The following HSPA4 variants were observed in gnomAD, a reference collection of about 807,000 sequenced individuals.
HSPA4 encodes the protein heat shock 70 kDa protein 4.
HSPA4 carries 25 observed loss-of-function variants against 106.2 expected under a neutral mutation model. The ratio of observed to expected loss-of-function variants is 0.24; its 90% CI spans 0.17 to 0.33. The LOEUF is 0.33. Among genes scored for constraint, HSPA4 ranks in the 10% least tolerant of loss-of-function variants. HSPA4 has a pLI of 1.00. For synonymous variants in HSPA4, 332 were observed against 333.6 expected (o/e 1.00, Z 0.05); for missense variants, 841 against 996.0 (o/e 0.84, Z 2.10).
chr5:133,091,207 C>G lies in HSPA4; in HGVS notation c.1393C>G (p.Gln465Glu). The change falls in exon 12 of 19, where the codon CAG (glutamine) becomes GAG (glutamate). Residue 465 changes from glutamine to glutamate, a missense_variant. Around this residue, in one of 5 missense-constraint regions of HSPA4, gnomAD observed 162 missense variants for 177.7 expected, o/e 0.91. Transcript: ENST00000304858. ...PDPAIAQFSV[Q>E]KVTPQSDGSS... ...TATGTCCCTAGCTCAGTTTTCAGTTCAGAAAGTCACTCCTCAGTCTGATGG... is the reference window on the plus strand; with the variant it reads ...TATGTCCCTAGCTCAGTTTTCAGTTGAGAAAGTCACTCCTCAGTCTGATGG... 1.2e-6 allele frequency: 2 copies of G among 1,613,772 alleles called. No individual in the cohort carries two copies. Among genetic ancestry groups the G allele is most frequent in the Non-Finnish European group, 1.7e-6 (2 of 1,179,808 alleles).
At position 133,052,237 on chromosome 5, in the gene HSPA4, C is replaced by G. The variant is rs1318676279; in HGVS notation, c.-14C>G. The G allele has an allele frequency of 6.4e-7, 1 of 1,562,056 alleles. No individual in the cohort carries two copies. Among genetic ancestry groups the G allele is most frequent in the Non-Finnish European group, 8.7e-7 (1 of 1,154,566 alleles). ...GGCCGGACCCGGGCCCGAGCCCGAG[C>G]AGTAGCCGGCGCCATGTCGGTGGTG... On this transcript the variant is annotated 5_prime_UTR_variant, in exon 1 of 19. Coordinates refer to ENST00000304858, the MANE Select transcript of HSPA4 (RefSeq NM_002154.4).
intron 4 of HSPA4, 132 bp from the exon 5 acceptor site, chr5:133,073,098 T>G (rs1765405088): frequency 1.7e-6 from 1 of 588,192 alleles, no homozygotes; most frequent in African/African-American, 1.9e-5. Flanking sequence ...TTCTAACTTT[T>G]CCCTACTAGT....
chr5:133,096,309 C>G (rs1561586199), intron 14 of HSPA4, 59 bp downstream of exon 14: 1 of 1,484,208 alleles, frequency 6.7e-7, no homozygotes, highest in African/African-American at 1.4e-5. Flanking sequence ...CCATAGTATT[C>G]AGACTCTGTG....
At chr5:133,096,301 A>G (rs374238929) in intron 14 of HSPA4, 51 bp downstream of exon 14, 5 of 1,534,742 alleles carry the variant, frequency 3.3e-6, no homozygotes, top group Admixed American at 3.4e-5. Context: ...TAATGTTACC[A>G]TAGTATTCAG....
At position 133,106,102 on chromosome 5, in the gene HSPA4, A is replaced by ATTTTTTTTTTT. The variant is rs70974072; in HGVS notation, c.*1694_*1704dup. The ATTTTTTTTTTT allele has an allele frequency of 2.1e-4, 12 of 57,162 alleles. 2 individuals are homozygous for ATTTTTTTTTTT. Among genetic ancestry groups the ATTTTTTTTTTT allele is most frequent in the Non-Finnish European group, 3.1e-4 (10 of 32,404 alleles). 3.5% of individuals were successfully genotyped at this position (57,162 alleles called of 1,614,324 possible). Reference sequence around the variant, plus strand: ...GCCATTTCTTCTTAAAAAAAAAAAAATTTTTTTTTTTTTTTTTTTTTTTTT... The same window carrying ATTTTTTTTTTT: ...GCCATTTCTTCTTAAAAAAAAAAAAATTTTTTTTTTTTTTTTTTTTTTTTTTTTTTTTTTTT... On this transcript the variant is annotated 3_prime_UTR_variant, in exon 19 of 19. Transcript: ENST00000304858.
At chr5:133,091,115 C>A in intron 11 of HSPA4, 78 bp from the exon 12 acceptor site, 1 of 1,168,436 alleles carries the variant, frequency 8.6e-7, no homozygotes, top group African/African-American at 1.5e-5. Context: ...TAGACATAAT[C>A]TAGCAATGTA....
At chr5:133,072,723 C>T (rs1765400243) in intron 4 of HSPA4, among the ~76,000 whole-genome samples, 1 of 151,968 alleles carries the variant, frequency 6.6e-6, no homozygotes, top group Non-Finnish European at 1.5e-5. Context: ...TGGTTTTCAT[C>T]AGGGGTCTGT....
At position 133,057,550 on chromosome 5, in the gene HSPA4, A is replaced by G. The variant is rs77647917; in HGVS notation, c.107+5193A>G. Among the ~76,000 whole-genome samples, 1,356 of 152,278 alleles carry G rather than the reference A, an allele frequency of 8.9e-3. 24 individuals are homozygous for G. The highest frequency in any genetic ancestry group is 0.031 in the African/African-American group (1,304 of 41,552). ...TGCATACACTTATAAAAATGAAACTATACCTTTTAAAGGACCTATGCCAAT... is the reference window on the plus strand; with the variant it reads ...TGCATACACTTATAAAAATGAAACTGTACCTTTTAAAGGACCTATGCCAAT... On this transcript the variant is annotated intron_variant, in intron 1 of 18. Transcript: ENST00000304858.
chr5:133,090,083 A>G (rs748048048), intron 11 of HSPA4, among the ~76,000 whole-genome samples: 7 of 152,202 alleles, frequency 4.6e-5, no homozygotes, highest in African/African-American at 7.2e-5. Flanking sequence ...AGGTGGTGCT[A>G]TATACTATAA....
At position 133,052,311 on chromosome 5, in the gene HSPA4, G is replaced by T. The variant is rs1276323676; in HGVS notation, c.61G>T (p.Gly21Cys). ...CTGCTACGTCGCTGTGGCCCGCGCC[G>T]GCGGCATCGAGACTATCGCTAATGA... is the stretch of plus-strand genomic sequence containing the variant. Reference protein sequence around the residue: ...QSCYVAVARAGGIETIANEYS... With the variant: ...QSCYVAVARACGIETIANEYS... The change falls in exon 1 of 19, where the codon GGC becomes TGC. Residue 21 changes from glycine (G) to cysteine (C), a missense_variant. Transcript: ENST00000304858. The T allele has an allele frequency of 6.3e-7, 1 of 1,589,854 alleles. No individual in the cohort carries two copies.
At chr5:133,070,239 CTT>C (rs113739155) in intron 3 of HSPA4, 133 bp from the exon 4 acceptor site, 2,325 of 670,726 alleles carry the variant, frequency 3.5e-3, no homozygotes, top group East Asian at 4.6e-3. Flanking sequence ...CGAAAACTAG[CTT>C]TTTTTTTTTT....
rs1480487790 is a variant in HSPA4, at chr5:133,104,040, T to A, written c.2319+14T>A. 1 of 1,597,162 alleles carries A rather than the reference T, an allele frequency of 6.3e-7. No individual in the cohort carries two copies. The highest frequency in any genetic ancestry group is 1.1e-5 in the South Asian group (1 of 89,660). ...GCTAAAATTAAGGTAATTTAAGACT[T>A]TTTTTTAATAGTCTTTTCTTGACAG... is the stretch of plus-strand genomic sequence containing the variant. On this transcript the variant is annotated intron_variant, in intron 18 of 18. Transcript: ENST00000304858.
chr5:133,092,927 T>G (rs1765666854), intron 13 of HSPA4, 138 bp downstream of exon 13: 1 of 567,740 alleles, frequency 1.8e-6, no homozygotes, highest in Admixed American at 3.4e-5. Flanking sequence ...TTCAAGTGAT[T>G]CTCCTACCTC....
chr5:133,071,902 G>T (rs1358529610), intron 4 of HSPA4, among the ~76,000 whole-genome samples: 1 of 152,146 alleles, frequency 6.6e-6, no homozygotes, highest in Non-Finnish European at 1.5e-5. Context: ...TTCCCCAGTG[G>T]CTGATACACC....
intron 7 of HSPA4, among the ~76,000 whole-genome samples, chr5:133,082,928 G>C (rs1371380263): frequency 6.6e-6 from 1 of 151,958 alleles, no homozygotes; most frequent in Non-Finnish European, 1.5e-5. Context: ...CTGAGTTCAG[G>C]AGTTTGAGAC....
Position 133,106,144 on chromosome 5 carries a change from GT to G in HSPA4, c.*1709del, listed in dbSNP as rs1765859838. ...TTTTTTTTTTTTTTTTTTTTTTGGTGTGTGTGTGTGTGTGTGTGGGGAAGGG... is the reference window on the plus strand; with the variant it reads ...TTTTTTTTTTTTTTTTTTTTTTGGTGGTGTGTGTGTGTGTGTGGGGAAGGG... On this transcript the variant is annotated 3_prime_UTR_variant, in exon 19 of 19. Transcript: ENST00000304858. 1.3e-5 allele frequency: 1 copy of G among 78,642 alleles called. No homozygotes were observed. Among genetic ancestry groups the G allele is most frequent in the African/African-American group, 4.8e-5 (1 of 20,788 alleles). 4.9% of individuals were successfully genotyped at this position (78,642 alleles called of 1,614,324 possible). A position where few individuals can be genotyped will look rare whatever the true frequency, so the allele number is the denominator to read the frequency against.
At chr5:133,058,495 C>G (rs981925412) in intron 1 of HSPA4, among the ~76,000 whole-genome samples, 5 of 148,590 alleles carry the variant, frequency 3.4e-5, no homozygotes, top group Admixed American at 6.7e-5. Context: ...CTGGCCAACC[C>G]GGTGAAACCT....
intron 12 of HSPA4, among the ~76,000 whole-genome samples, chr5:133,091,892 CA>C (rs532971153): frequency 2.0e-5 from 3 of 151,108 alleles, no homozygotes; most frequent in Non-Finnish European, 4.4e-5. Context: ...ACAACAACAA[CA>C]AAAAAACTAG....
chr5:133,053,348 C>CT (rs1205166477), intron 1 of HSPA4, among the ~76,000 whole-genome samples: 73 of 65,428 alleles, frequency 1.1e-3, no homozygotes, highest in Non-Finnish European at 2.0e-3. Flanking sequence ...TTTTTTTTTT[C>CT]TTTTTTGAGA....
Sources: allele counts gnomAD v4.1 joint callset (sites outside exome capture counted in the v4.1 genomes callset), GRCh38; gene constraint gnomAD v4.1.1; regional missense constraint gnomAD v4.1.1; transcripts MANE v1.5; gene names NCBI Gene and HGNC (gene_info 2026-07-23, HGNC 2026-07-21).